Variants in ATXN2 observed in about 807,000 individuals in gnomAD.
ATXN2 encodes the protein ataxin 2.
ATXN2 carries 37 observed loss-of-function variants against 138.6 expected under a neutral mutation model. The observed-to-expected ratio is 0.27, with a 90% CI of 0.21 to 0.35. The LOEUF (loss-of-function observed/expected upper bound fraction) is 0.35. Among genes scored for constraint, ATXN2 ranks in the 10% least tolerant of loss-of-function variants. The pLI, the probability that ATXN2 is intolerant of heterozygous loss-of-function variation, is 1.00. For missense variants in ATXN2, 1,216 were observed against 1,480.3 expected (o/e 0.82, Z 2.93); for synonymous variants, 549 against 543.7 (o/e 1.01, Z -0.13).
rs1409334012 is a variant in ATXN2, at chr12:111,457,230, G to A, written c.3026C>T (p.Ala1009Val). The A allele has an allele frequency of 1.9e-6, 3 of 1,613,898 alleles. No individual in the cohort carries two copies. The highest frequency in any genetic ancestry group is 2.7e-5 in the African/African-American group (2 of 75,042). Residue 1009 changes from alanine to valine, a missense_variant, in exon 22 of 25, where the codon GCA becomes GTA. Around this residue, in one of 4 missense-constraint regions of ATXN2, gnomAD observed 490 missense variants for 653.5 expected, o/e 0.75. Transcript: ENST00000673436. Reference protein sequence around the residue: ...QQSQHGGSHPAPSPVQHHQHQ... With the variant: ...QQSQHGGSHPVPSPVQHHQHQ... ...TGCCCTTACCTGAACAGGACTGGGT[G>A]CAGGATGACTTCCACCATGTTGGCT...
intron 10 of ATXN2, among the ~76,000 whole-genome samples, 190 bp downstream of exon 10, chr12:111,515,964 T>C (rs973381076): frequency 6.6e-6 from 1 of 152,224 alleles, no homozygotes; most frequent in Non-Finnish European, 1.5e-5. Flanking sequence ...AGAGAGTTTA[T>C]AGCTTCACAC....
chr12:111,518,650 C>G (rs1555235120), intron 8 of ATXN2, among the ~76,000 whole-genome samples: 1 of 152,198 alleles, frequency 6.6e-6, no homozygotes, highest in Non-Finnish European at 1.5e-5. Context: ...CAAAGTTTAA[C>G]AGATGCGTGC....
chr12:111,496,019 C>T (rs772003233), intron 14 of ATXN2, among the ~76,000 whole-genome samples: 11 of 150,914 alleles, frequency 7.3e-5, no homozygotes, highest in Non-Finnish European at 1.2e-4. Flanking sequence ...CCATATGTGA[C>T]GGCATGTGCC....
rs143005755 is a variant in ATXN2, at chr12:111,556,954, C to T, written c.252-1035G>A. On this transcript the variant is annotated intron_variant, in intron 1 of 24. Coordinates refer to ENST00000673436, the MANE Select transcript of ATXN2 (RefSeq NM_001372574.1). ...TATGTGTGGATCGTTGTAACAAGTG[C>T]CTTTCCTTGCCAACTCTCTCCCTCA... is the stretch of plus-strand genomic sequence containing the variant. Among the ~76,000 whole-genome samples the T allele has an allele frequency of 1.8e-3, 268 of 151,432 alleles. 1 individual carries two copies. Among genetic ancestry groups the T allele is most frequent in the African/African-American group, 6.2e-3 (256 of 41,214 alleles).
chr12:111,551,528 C>T (rs1375542546), intron 5 of ATXN2, among the ~76,000 whole-genome samples: 5 of 152,096 alleles, frequency 3.3e-5, no homozygotes, highest in African/African-American at 1.2e-4. Flanking sequence ...GTATGTTCTA[C>T]TTCTTCACCC....
chr12:111,466,883 C>A (rs1876062619), intron 20 of ATXN2, among the ~76,000 whole-genome samples: 1 of 151,770 alleles, frequency 6.6e-6, no homozygotes, highest in Admixed American at 6.6e-5. Flanking sequence ...TATTTGGTTC[C>A]TTTGAGAAAA....
intron 1 of ATXN2, among the ~76,000 whole-genome samples, chr12:111,563,788 A>G (rs1007674510): frequency 6.6e-6 from 1 of 152,206 alleles, no homozygotes; most frequent in Non-Finnish European, 1.5e-5. Flanking sequence ...TGTCCAAGGC[A>G]TTTTTTAAAT....
At position 111,460,773 on chromosome 12, in the gene ATXN2, T is replaced by C. The variant is rs531713737; in HGVS notation, c.2897-3414A>G. On this transcript the variant is annotated intron_variant, in intron 21 of 24. Coordinates refer to ENST00000673436, the MANE Select transcript of ATXN2 (RefSeq NM_001372574.1). The stretch of plus-strand genomic sequence containing the variant: ...AAAAATGTAAAAATCTTAAAATCAT[T>C]TGAAGAGAAAAGTAAAGATGAAATA... Among the ~76,000 whole-genome samples, 18 of 152,266 alleles carry C rather than the reference T, an allele frequency of 1.2e-4. No individual in the cohort carries two copies. In the East Asian group the frequency reaches 3.1e-3, roughly 26 times the overall value.
chr12:111,566,667 G>A (rs1243654944), intron 1 of ATXN2, among the ~76,000 whole-genome samples: 2 of 146,548 alleles, frequency 1.4e-5, no homozygotes, highest in African/African-American at 5.1e-5. Context: ...ATAGAGTTTC[G>A]CTCCTGTTGC....
At chr12:111,595,364 G>A (rs1020790077) in intron 1 of ATXN2, among the ~76,000 whole-genome samples, 17 of 152,268 alleles carry the variant, frequency 1.1e-4, no homozygotes, top group South Asian at 4.2e-4. Flanking sequence ...CCTTACAGCC[G>A]GGCGCAGTGG....
chr12:111,483,340 T>G (rs1396314007), intron 18 of ATXN2, among the ~76,000 whole-genome samples: 2 of 151,496 alleles, frequency 1.3e-5, no homozygotes, highest in Non-Finnish European at 2.9e-5. Flanking sequence ...ATGTCTTTTC[T>G]GTATAAATTA....
At chr12:111,483,087 TGAG>T (rs1416662834) in intron 18 of ATXN2, among the ~76,000 whole-genome samples, 1 of 151,210 alleles carries the variant, frequency 6.6e-6, no homozygotes. Context: ...TCCAGGGGAC[TGAG>T]AAGGGAGGAT....
At chr12:111,573,531 C>T (rs1160497181) in intron 1 of ATXN2, among the ~76,000 whole-genome samples, 1 of 152,140 alleles carries the variant, frequency 6.6e-6, no homozygotes, top group East Asian at 1.9e-4. Flanking sequence ...TGTCATATCT[C>T]TATATTAGAA....
intron 10 of ATXN2, 147 bp from the exon 11 acceptor site, chr12:111,513,686 A>G: frequency 3.3e-6 from 2 of 601,014 alleles, no homozygotes; most frequent in Non-Finnish European, 4.9e-6. Context: ...AAAAAAAAAC[A>G]CCATACATAT....
intron 1 of ATXN2, among the ~76,000 whole-genome samples, chr12:111,557,524 C>T (rs556310748): frequency 5.8e-4 from 89 of 152,222 alleles, no homozygotes; most frequent in African/African-American, 2.1e-3. Flanking sequence ...AACCAGACAC[C>T]ATACTAAGTA....
At chr12:111,469,933 T>A (rs1407339591) in intron 20 of ATXN2, 175 bp downstream of exon 20, 8 of 674,208 alleles carry the variant, frequency 1.2e-5, no homozygotes, top group Middle Eastern at 3.9e-4. Flanking sequence ...AAGTAGAAAC[T>A]ATTTGCCAAA....
At chr12:111,478,730 T>G (rs913931437) in intron 18 of ATXN2, among the ~76,000 whole-genome samples, 3 of 152,030 alleles carry the variant, frequency 2.0e-5, no homozygotes, top group Non-Finnish European at 4.4e-5. Context: ...TACCAGGCAG[T>G]GTGTGGTGGC....
chr12:111,567,312 C>A (rs1341622872), intron 1 of ATXN2, among the ~76,000 whole-genome samples: 1 of 151,840 alleles, frequency 6.6e-6, no homozygotes, highest in South Asian at 2.1e-4. Context: ...CCAGCCTCAC[C>A]AATATGGTGA....
chr12:111,506,507 G>C (rs1879119391), intron 14 of ATXN2, among the ~76,000 whole-genome samples: 2 of 151,912 alleles, frequency 1.3e-5, no homozygotes, highest in Admixed American at 1.3e-4. Context: ...TTCTTCATGA[G>C]ATATTAAATT....
Sources: allele counts gnomAD v4.1 joint callset (sites outside exome capture counted in the v4.1 genomes callset), GRCh38; gene constraint gnomAD v4.1.1; regional missense constraint gnomAD v4.1.1; transcripts MANE v1.5; gene names NCBI Gene and HGNC (gene_info 2026-07-23, HGNC 2026-07-21).